CCDC102B: variants seen among roughly 807,000 people sequenced by gnomAD.
The protein encoded by CCDC102B is coiled-coil domain-containing protein 102B.
Under a neutral mutation model 57.4 loss-of-function variants are expected in CCDC102B, and 75 were observed. The observed-to-expected ratio is 1.31, with a 90% CI of 1.08 to 1.58. The LOEUF (loss-of-function observed/expected upper bound fraction) is 1.58. Among genes scored for constraint, CCDC102B ranks in the 40% most tolerant of loss-of-function variants. CCDC102B has a pLI of 0.00. For missense variants in CCDC102B, 636 were observed against 582.6 expected (o/e 1.09, Z -0.94); for synonymous variants, 206 against 201.9 (o/e 1.02, Z -0.17).
At chr18:68,935,352 G>A (rs756993093) in intron 6 of CCDC102B, among the ~76,000 whole-genome samples, 13 of 151,942 alleles carry the variant, frequency 8.6e-5, no homozygotes, top group South Asian at 2.1e-4. Flanking sequence ...GAATGACTCC[G>A]GGTAACAAGA....
intron 2 of CCDC102B, among the ~76,000 whole-genome samples, chr18:68,781,393 C>T (rs1177629373): frequency 6.6e-6 from 1 of 151,980 alleles, no homozygotes; most frequent in Non-Finnish European, 1.5e-5. Flanking sequence ...TTATCTGTAA[C>T]ACAATAATTT....
intron 6 of CCDC102B, among the ~76,000 whole-genome samples, chr18:68,962,439 C>G (rs1332955620): frequency 1.3e-5 from 2 of 151,994 alleles, no homozygotes; most frequent in African/African-American, 4.8e-5. Flanking sequence ...GTAATACTCT[C>G]CTTCATTCTA....
chr18:68,978,844 C>T (rs2050504226), intron 6 of CCDC102B, among the ~76,000 whole-genome samples: 1 of 151,920 alleles, frequency 6.6e-6, no homozygotes, highest in African/African-American at 2.4e-5. Context: ...CATTTATAAA[C>T]AAAAATGTCA....
chr18:68,847,959 A>G (rs980485605), intron 4 of CCDC102B, among the ~76,000 whole-genome samples: 9 of 151,684 alleles, frequency 5.9e-5, no homozygotes, highest in African/African-American at 2.2e-4. Context: ...TACATTTCTG[A>G]TGTTCTTATG....
chr18:69,024,137 A>G (rs1320969515), intron 7 of CCDC102B, among the ~76,000 whole-genome samples: 2 of 152,108 alleles, frequency 1.3e-5, no homozygotes, highest in African/African-American at 4.8e-5. Flanking sequence ...ATGTTCAAGG[A>G]CAGACTTATA....
At position 68,831,054 on chromosome 18, in the gene CCDC102B, G is replaced by A. The variant is rs551177341; in HGVS notation, c.-15-5695G>A. Among the ~76,000 whole-genome samples the A allele has an allele frequency of 8.0e-4, 121 of 151,856 alleles. 1 individual carries two copies. The highest frequency in any genetic ancestry group is 2.9e-3 in the African/African-American group (119 of 41,446). On this transcript the variant is annotated intron_variant, in intron 1 of 7. Transcript: ENST00000360242. ...GTCACTTTTTTTCTCTGATCTATGA[G>A]GTTATTATTATAATGTAATTTTTAA...
intron 1 of CCDC102B, among the ~76,000 whole-genome samples, chr18:68,828,591 A>G (rs1228957385): frequency 1.3e-5 from 2 of 151,692 alleles, no homozygotes; most frequent in Non-Finnish European, 1.5e-5. Flanking sequence ...AGTAGTGCAG[A>G]GAAGAAAGAT....
intron 6 of CCDC102B, among the ~76,000 whole-genome samples, chr18:68,913,043 G>A (rs1039107674): frequency 4.6e-5 from 7 of 152,004 alleles, no homozygotes; most frequent in Non-Finnish European, 1.0e-4. Context: ...AATTCACCCA[G>A]TTGAATTTGA....
At chr18:68,716,015 T>C (rs960487846) in intron 1 of CCDC102B, among the ~76,000 whole-genome samples, 35 of 152,326 alleles carry the variant, frequency 2.3e-4, no homozygotes, top group African/African-American at 7.5e-4. Context: ...TGCACTCTAA[T>C]TGAGAGCAAG....
intron 4 of CCDC102B, among the ~76,000 whole-genome samples, chr18:68,855,208 C>T (rs934405986): frequency 2.0e-5 from 3 of 152,118 alleles, no homozygotes; most frequent in Non-Finnish European, 2.9e-5. Flanking sequence ...TTAGGAAATT[C>T]GTCTTTGAAC....
chr18:69,030,358 C>T (rs1165723561), intron 7 of CCDC102B, among the ~76,000 whole-genome samples: 2 of 152,030 alleles, frequency 1.3e-5, no homozygotes, highest in East Asian at 1.9e-4. Context: ...CAATATTATA[C>T]AGGAAATTAA....
intron 2 of CCDC102B, among the ~76,000 whole-genome samples, chr18:68,783,775 G>A (rs577549387): frequency 6.6e-6 from 1 of 152,114 alleles, no homozygotes; most frequent in South Asian, 2.1e-4. Flanking sequence ...CATTGTTAGA[G>A]GCTTATTTTT....
At chr18:69,036,896 G>A (rs2052306970) in intron 7 of CCDC102B, among the ~76,000 whole-genome samples, 1 of 152,036 alleles carries the variant, frequency 6.6e-6, no homozygotes, top group South Asian at 2.1e-4. Flanking sequence ...AGAAGGAATA[G>A]TCAGTACACA....
chr18:69,050,797 A>G (rs2052684804), intron 7 of CCDC102B, among the ~76,000 whole-genome samples: 1 of 152,190 alleles, frequency 6.6e-6, no homozygotes, highest in Non-Finnish European at 1.5e-5. Context: ...ATTTTAAAAT[A>G]CCTTATTTCG....
At chr18:68,964,438 G>T (rs1186821761) in intron 6 of CCDC102B, among the ~76,000 whole-genome samples, 1 of 148,916 alleles carries the variant, frequency 6.7e-6, no homozygotes, top group African/African-American at 2.5e-5. Flanking sequence ...TTCTTTGGAT[G>T]AAAAGGTTTT....
At chr18:69,037,162 C>T (rs1224110675) in intron 7 of CCDC102B, among the ~76,000 whole-genome samples, 1 of 151,958 alleles carries the variant, frequency 6.6e-6, no homozygotes, top group Non-Finnish European at 1.5e-5. Flanking sequence ...TTTTTGCCAT[C>T]ATTCCTAATT....
intron 6 of CCDC102B, among the ~76,000 whole-genome samples, chr18:68,997,834 A>G (rs1386978749): frequency 1.6e-5 from 1 of 63,284 alleles, no homozygotes; most frequent in Non-Finnish European, 4.6e-5. Flanking sequence ...ATAATTTATC[A>G]TTTATCATTT....
chr18:68,891,755 T>G (rs1388866496), intron 5 of CCDC102B, among the ~76,000 whole-genome samples: 1 of 152,188 alleles, frequency 6.6e-6, no homozygotes, highest in Admixed American at 6.5e-5. Flanking sequence ...CTGGTACATC[T>G]TCCTTTTCTT....
At chr18:68,742,250 G>A (rs1300208101) in intron 2 of CCDC102B, among the ~76,000 whole-genome samples, 1 of 152,146 alleles carries the variant, frequency 6.6e-6, no homozygotes, top group Non-Finnish European at 1.5e-5. Context: ...AAGCATCACT[G>A]TGATCTCTTG....
Sources: allele counts gnomAD v4.1 joint callset (sites outside exome capture counted in the v4.1 genomes callset), GRCh38; gene constraint gnomAD v4.1.1; transcripts MANE v1.5; gene names NCBI Gene and HGNC (gene_info 2026-07-23, HGNC 2026-07-21).